CNOT11: variants seen among roughly 807,000 people sequenced by gnomAD.
CNOT11 encodes the protein CCR4-NOT transcription complex subunit 11.
CNOT11 carries 18 observed loss-of-function variants against 44.6 expected under a neutral mutation model. That is an observed-to-expected ratio of 0.40 (90% CI 0.28 to 0.60). The LOEUF is 0.60. Ranked by LOEUF, CNOT11 falls within the 20% of genes least tolerant of loss-of-function variation. CNOT11 has a pLI of 0.38. For missense variants in CNOT11, 513 were observed against 677.0 expected (o/e 0.76, Z 2.69); for synonymous variants, 291 against 270.9 (o/e 1.07, Z -0.73).
At chr2:101,267,864 G>T (rs951711250) in intron 5 of CNOT11, among the ~76,000 whole-genome samples, 1 of 152,126 alleles carries the variant, frequency 6.6e-6, no homozygotes, top group Non-Finnish European at 1.5e-5. Context: ...TAAATTATAT[G>T]GTCCTCCTGT....
In CNOT11 at chr2:101,252,957, C is replaced by A. The variant is rs962497331; in HGVS notation, c.-8C>A. The A allele has an allele frequency of 1.3e-5, 19 of 1,460,716 alleles. No homozygotes were observed. The highest frequency in any genetic ancestry group is 1.0e-4 in the Admixed American group (4 of 38,928). 90.5% of individuals were successfully genotyped at this position (1,460,716 alleles called of 1,614,324 possible). ...CGGGCCGGGAAGAGGGGAAGGGGAG[C>A]GAGGTTGATGCCCGGCGGAGGGGCG... On this transcript the variant is annotated 5_prime_UTR_variant, in exon 1 of 7. Coordinates refer to ENST00000289382, the MANE Select transcript of CNOT11 (RefSeq NM_017546.5).
chr2:101,268,204 C>G (rs375883428), intron 5 of CNOT11, among the ~76,000 whole-genome samples: 25 of 151,860 alleles, frequency 1.6e-4, no homozygotes, highest in Admixed American at 7.9e-4. Flanking sequence ...ACATCTCCCC[C>G]CTCTTTGTTC....
chr2:101,262,153 T>C (rs1332673655), intron 2 of CNOT11, among the ~76,000 whole-genome samples: 1 of 150,790 alleles, frequency 6.6e-6, no homozygotes, highest in African/African-American at 2.5e-5. Context: ...TGGTGGGTTC[T>C]TTCTTTTTTT....
chr2:101,255,691 G>A (rs1681722452), intron 1 of CNOT11, among the ~76,000 whole-genome samples: 1 of 152,164 alleles, frequency 6.6e-6, no homozygotes, highest in Non-Finnish European at 1.5e-5. Flanking sequence ...TCTGAACAGA[G>A]GCAGGGCTGC....
At chr2:101,262,459 A>T in intron 2 of CNOT11, 80 bp from the exon 3 acceptor site, 1 of 1,311,068 alleles carries the variant, frequency 7.6e-7, no homozygotes, top group Non-Finnish European at 1.1e-6. Flanking sequence ...TCTCTGTTAC[A>T]GATAGCTTGC....
chr2:101,259,255 T>G (rs1681798950), intron 2 of CNOT11, among the ~76,000 whole-genome samples: 1 of 152,254 alleles, frequency 6.6e-6, no homozygotes, highest in Non-Finnish European at 1.5e-5. Flanking sequence ...ATGTCTGTCT[T>G]TCTGCCAGTA....
At chr2:101,264,619 G>C (rs1284036344) in intron 3 of CNOT11, among the ~76,000 whole-genome samples, 2 of 152,184 alleles carry the variant, frequency 1.3e-5, no homozygotes, top group Non-Finnish European at 2.9e-5. Context: ...CGAATAGATT[G>C]TTCTCTGGCA....
At chr2:101,266,324 A>G (rs2104369650) in intron 4 of CNOT11, among the ~76,000 whole-genome samples, 1 of 152,120 alleles carries the variant, frequency 6.6e-6, no homozygotes, top group Admixed American at 6.5e-5. Flanking sequence ...TTTTAGTTAC[A>G]ACAGATGACA....
At chr2:101,261,909 C>T (rs575081600) in intron 2 of CNOT11, among the ~76,000 whole-genome samples, 94 of 143,428 alleles carry the variant, frequency 6.6e-4, no homozygotes, top group African/African-American at 2.4e-3. Flanking sequence ...TGCAGTGGCG[C>T]GATCTTGGCT....
intron 4 of CNOT11, among the ~76,000 whole-genome samples, 172 bp downstream of exon 4, chr2:101,265,219 G>A (rs1388961681): frequency 6.6e-6 from 1 of 152,110 alleles, no homozygotes; most frequent in Non-Finnish European, 1.5e-5. Flanking sequence ...TCGTGCCTCA[G>A]CGCCCCCAGC....
chr2:101,253,160 AAGG>A lies in CNOT11; in HGVS notation c.199_201del (p.Glu67del). 1 of 1,589,246 alleles carries A rather than the reference AAGG, an allele frequency of 6.3e-7. No individual in the cohort carries two copies. The highest frequency in any genetic ancestry group is 8.5e-7 in the Non-Finnish European group (1 of 1,170,392). On this transcript the variant is annotated inframe_deletion, in exon 1 of 7. Transcript: ENST00000289382. The surrounding 1 kb of genome is among the most constrained non-coding windows in gnomAD (Gnocchi z 4.3). Reference sequence around the variant, plus strand: ...CGCGGGCAGGATGAGCTTGACCCCGAAGGAGCTCTCGAGCCTGCTGAGCATCAT... The same window carrying A: ...CGCGGGCAGGATGAGCTTGACCCCGAAGCTCTCGAGCCTGCTGAGCATCAT...
chr2:101,269,761 T>C lies in CNOT11; in HGVS notation c.*348T>C, dbSNP rs1682069545. Reference sequence around the variant, plus strand: ...GGCTTCTGATGAACCAGGAATCCTGTTTTCGTAAAGTTCCAATGTTGATGA... The same window carrying C: ...GGCTTCTGATGAACCAGGAATCCTGCTTTCGTAAAGTTCCAATGTTGATGA... On this transcript the variant is annotated 3_prime_UTR_variant, in exon 7 of 7. Transcript: ENST00000289382. The surrounding 1 kb of genome is among the most constrained non-coding windows in gnomAD (Gnocchi z 4.8). 2 of 183,350 alleles carry C rather than the reference T, an allele frequency of 1.1e-5. No homozygotes were observed. Among genetic ancestry groups the C allele is most frequent in the African/African-American group, 4.7e-5 (2 of 42,278 alleles). The allele number at this position is 183,350 out of a possible 1,614,324, so 11.4% of individuals were successfully genotyped here.
chr2:101,254,059 G>C (rs1681686485), intron 1 of CNOT11, among the ~76,000 whole-genome samples: 1 of 152,216 alleles, frequency 6.6e-6, no homozygotes, highest in Non-Finnish European at 1.5e-5. Context: ...TATACATTAT[G>C]TAAAATGTAT....
intron 5 of CNOT11, among the ~76,000 whole-genome samples, chr2:101,268,398 T>C (rs902193129): frequency 1.1e-4 from 16 of 152,358 alleles, no homozygotes; most frequent in African/African-American, 3.8e-4. Context: ...TTTATCAATG[T>C]GATTCTATCT....
At chr2:101,266,071 G>A (rs1201865270) in intron 4 of CNOT11, among the ~76,000 whole-genome samples, 1 of 152,164 alleles carries the variant, frequency 6.6e-6, no homozygotes, top group Non-Finnish European at 1.5e-5. Context: ...AAAAGCATAG[G>A]ACATTTAAAG....
chr2:101,253,184 A>G lies in CNOT11; in HGVS notation c.220A>G (p.Ile74Val), dbSNP rs201929864. 1 of 1,603,658 alleles carries G rather than the reference A, an allele frequency of 6.2e-7. No homozygotes were observed. Among genetic ancestry groups the G allele is most frequent in the Non-Finnish European group, 8.5e-7 (1 of 1,176,520 alleles). ...GAAGGAGCTCTCGAGCCTGCTGAGC[A>G]TCATATCGGAGGAGGCGGGCGGCGG... is the stretch of plus-strand genomic sequence containing the variant. ...TPKELSSLLSIISEEAGGGST... is the reference protein window; with the variant it reads ...TPKELSSLLSVISEEAGGGST... Residue 74 changes from isoleucine (I) to valine (V), a missense_variant, in exon 1 of 7, where the codon ATC becomes GTC. Physicochemically the swap from Ile to Val is conservative, Grantham distance 29. Coordinates refer to ENST00000289382, the MANE Select transcript of CNOT11 (RefSeq NM_017546.5). This position sits in a 1 kb window ranked among gnomAD's most constrained non-coding sequence, Gnocchi z 4.3.
In CNOT11 at chr2:101,266,420, C is replaced by T. The variant is rs142177594; in HGVS notation, c.1036-257C>T. Among the ~76,000 whole-genome samples the T allele has an allele frequency of 6.3e-3, 958 of 152,024 alleles. 4 individuals carry two copies. Among genetic ancestry groups the T allele is most frequent in the African/African-American group, 0.022 (915 of 41,466 alleles). On this transcript the variant is annotated intron_variant, in intron 4 of 6. Transcript: ENST00000289382. ...AGACAGTGTGGAGTCTGGTTTGATG[C>T]CCAGGAATAGGAATCACTAGCATAT...
intron 3 of CNOT11, 33 bp from the exon 4 acceptor site, chr2:101,264,812 T>C (rs1188491346): frequency 2.5e-6 from 4 of 1,573,700 alleles, no homozygotes; most frequent in Middle Eastern, 3.6e-4. Flanking sequence ...GTTAGCTTCC[T>C]GATAGGAGCA....
chr2:101,257,989 G>C, intron 2 of CNOT11, 34 bp downstream of exon 2: 6 of 1,587,490 alleles, frequency 3.8e-6, no homozygotes, highest in Non-Finnish European at 5.2e-6. Flanking sequence ...GCATTTCTGT[G>C]TGGTAATATT....
Sources: gnomAD v4.1 joint callset for allele counts (sites outside exome capture counted in the v4.1 genomes callset) on GRCh38, gnomAD v4.1.1 for gene constraint, Gnocchi (gnomAD v3.1) non-coding constraint, MANE v1.5 for transcripts, NCBI Gene and HGNC (gene_info 2026-07-23, HGNC 2026-07-21) for gene names.